The following ALDH9A1 variants were observed in gnomAD, a reference collection of about 807,000 sequenced individuals.
ALDH9A1 encodes the protein aldehyde dehydrogenase 9 family member A1, also known as 4-trimethylaminobutyraldehyde dehydrogenase.
In ALDH9A1, 42 loss-of-function variants were observed where a neutral mutation model predicts 56.6. That is an observed-to-expected ratio of 0.74 (90% CI 0.58 to 0.96). The LOEUF (loss-of-function observed/expected upper bound fraction) is 0.96, where lower values mean the gene tolerates loss of function less well. ALDH9A1 is among the 40% of genes least tolerant of loss of function. The pLI is 0.00. For missense variants in ALDH9A1, 661 were observed against 651.5 expected (o/e 1.01, Z -0.16); for synonymous variants, 242 against 236.0 (o/e 1.03, Z -0.23).
intron 2 of ALDH9A1, among the ~76,000 whole-genome samples, chr1:165,688,581 G>C (rs1649784887): frequency 6.6e-6 from 1 of 151,918 alleles, no homozygotes; most frequent in African/African-American, 2.4e-5. Flanking sequence ...AATTAGCCAG[G>C]TATGGTGGTG....
chr1:165,664,742 C>T (rs1282675490), intron 10 of ALDH9A1, among the ~76,000 whole-genome samples: 2 of 152,272 alleles, frequency 1.3e-5, no homozygotes, highest in East Asian at 3.9e-4. Context: ...AAGTATTCTA[C>T]CCACAAGATA....
intron 2 of ALDH9A1, among the ~76,000 whole-genome samples, chr1:165,684,073 C>T (rs1571178809): frequency 1.3e-5 from 2 of 152,134 alleles, no homozygotes; most frequent in East Asian, 3.9e-4. Context: ...CATCTATCCA[C>T]AGTACAAAGC....
chr1:165,678,445 A>T (rs1208313559), intron 6 of ALDH9A1, among the ~76,000 whole-genome samples: 1 of 152,234 alleles, frequency 6.6e-6, no homozygotes, highest in South Asian at 2.1e-4. Flanking sequence ...GATATAAATA[A>T]ATGAATGGAA....
intron 2 of ALDH9A1, among the ~76,000 whole-genome samples, chr1:165,687,263 G>A (rs1649738059): frequency 1.3e-5 from 2 of 151,766 alleles, no homozygotes; most frequent in Non-Finnish European, 2.9e-5. Flanking sequence ...TGTAATTGGA[G>A]GCCCTGAAGG....
At chr1:165,668,901 A>T in intron 8 of ALDH9A1, 25 bp downstream of exon 8, 1 of 1,488,684 alleles carries the variant, frequency 6.7e-7, no homozygotes, top group Middle Eastern at 1.7e-4. Flanking sequence ...CAAATCATCT[A>T]AAAGCAAACA....
In ALDH9A1 at chr1:165,680,525, T is replaced by C; in HGVS notation, c.751A>G (p.Lys251Glu). Reference sequence around the variant, plus strand: ...GGCACACTTCCAGTGAAGGAGACTTTGGCCACATCGGGATGCTGACACAGA... The same window carrying C: ...GGCACACTTCCAGTGAAGGAGACTTCGGCCACATCGGGATGCTGACACAGA... ...QFLCQHPDVA[K>E]VSFTGSVPTG... The change falls in exon 5 of 11, where the codon AAA becomes GAA. Residue 251 changes from lysine to glutamate, a missense_variant. Transcript: ENST00000354775. 1 of 1,614,208 alleles carries C rather than the reference T, an allele frequency of 6.2e-7. No individual in the cohort carries two copies. Among genetic ancestry groups the C allele is most frequent in the Non-Finnish European group, 8.5e-7 (1 of 1,180,020 alleles).
At chr1:165,689,016 T>G (rs1196518025) in intron 2 of ALDH9A1, among the ~76,000 whole-genome samples, 2 of 152,064 alleles carry the variant, frequency 1.3e-5, no homozygotes, top group African/African-American at 4.8e-5. Flanking sequence ...AAAATATTAT[T>G]AGATATTACC....
chr1:165,698,332 C>T, intron 1 of ALDH9A1, 46 bp downstream of exon 1: 1 of 1,554,050 alleles, frequency 6.4e-7, no homozygotes, highest in Non-Finnish European at 8.7e-7. Context: ...GAAATCCGCG[C>T]ATCCGGCCCC....
intron 10 of ALDH9A1, 113 bp from the exon 11 acceptor site, chr1:165,663,257 A>G: frequency 1.2e-6 from 1 of 867,888 alleles, no homozygotes; most frequent in Non-Finnish European, 1.9e-6. Context: ...TATAGAACCT[A>G]AATGTTTTGG....
intron 2 of ALDH9A1, among the ~76,000 whole-genome samples, chr1:165,687,085 C>T (rs547506982): frequency 9.9e-5 from 15 of 151,908 alleles, no homozygotes; most frequent in Middle Eastern, 3.4e-3. Context: ...TATAGAAGAC[C>T]GATGAACTTG....
In ALDH9A1 at chr1:165,663,044, A is replaced by G; in HGVS notation, c.*6T>C. The G allele has an allele frequency of 6.2e-7, 1 of 1,613,096 alleles. No individual in the cohort carries two copies. Among genetic ancestry groups the G allele is most frequent in the South Asian group, 1.1e-5 (1 of 91,064 alleles). ...TGGCCATGTCAATAGGTTTCACTGCAGGTTTTCAAAAAGCAGATTCCACAT... is the reference window on the plus strand; with the variant it reads ...TGGCCATGTCAATAGGTTTCACTGCGGGTTTTCAAAAAGCAGATTCCACAT... On this transcript the variant is annotated 3_prime_UTR_variant, in exon 11 of 11. Transcript: ENST00000354775.
intron 2 of ALDH9A1, among the ~76,000 whole-genome samples, chr1:165,694,822 G>A (rs1356902747): frequency 6.6e-6 from 1 of 152,040 alleles, no homozygotes; most frequent in Non-Finnish European, 1.5e-5. Context: ...CAGGCATGGT[G>A]GCACACACCT....
intron 4 of ALDH9A1, 136 bp downstream of exon 4, chr1:165,681,971 G>A: frequency 8.2e-7 from 1 of 1,212,648 alleles, no homozygotes; most frequent in East Asian, 2.4e-5. Context: ...TGTCCTCTGA[G>A]GCTTTGAATA....
intron 2 of ALDH9A1, among the ~76,000 whole-genome samples, chr1:165,693,456 A>G (rs1319437659): frequency 2.0e-5 from 3 of 152,258 alleles, no homozygotes; most frequent in South Asian, 2.1e-4. Context: ...CAAAAGACAC[A>G]TGAAAAAATG....
chr1:165,666,505 T>C (rs1649012059), intron 9 of ALDH9A1, among the ~76,000 whole-genome samples: 1 of 152,182 alleles, frequency 6.6e-6, no homozygotes, highest in Non-Finnish European at 1.5e-5. Context: ...CAAAGTAAAG[T>C]AAGAGCACTT....
At chr1:165,680,230 GAC>G (rs71813264) in intron 5 of ALDH9A1, among the ~76,000 whole-genome samples, 58,442 of 151,828 alleles carry the variant, frequency 0.38, 11,526 homozygotes, top group Middle Eastern at 0.5. Context: ...TGTCCACTAA[GAC>G]ACATCCTCTC....
At chr1:165,677,014 T>C (rs928156617) in intron 6 of ALDH9A1, among the ~76,000 whole-genome samples, 3 of 152,162 alleles carry the variant, frequency 2.0e-5, no homozygotes, top group Admixed American at 6.5e-5. Context: ...AATCAGATAT[T>C]ATTTATGAAA....
At chr1:165,678,056 C>T (rs1013042160) in intron 6 of ALDH9A1, among the ~76,000 whole-genome samples, 23 of 149,922 alleles carry the variant, frequency 1.5e-4, no homozygotes, top group African/African-American at 5.7e-4. Flanking sequence ...AAAATAAAGG[C>T]CGGGTACAGT....
chr1:165,683,843 T>C (rs537526432), intron 2 of ALDH9A1, among the ~76,000 whole-genome samples: 1 of 152,308 alleles, frequency 6.6e-6, no homozygotes, highest in Non-Finnish European at 1.5e-5. Context: ...GAAAGAAAGC[T>C]AAATAATGCC....
Sources: allele counts gnomAD v4.1 joint callset (sites outside exome capture counted in the v4.1 genomes callset), GRCh38; gene constraint gnomAD v4.1.1; transcripts MANE v1.5; gene names NCBI Gene and HGNC (gene_info 2026-07-23, HGNC 2026-07-21).